TLK1: variants seen among roughly 807,000 people sequenced by gnomAD.
TLK1 encodes serine/threonine-protein kinase tousled-like 1.
TLK1 carries 24 observed loss-of-function variants against 105.3 expected under a neutral mutation model. The ratio of observed to expected loss-of-function variants is 0.23; its 90% CI spans 0.17 to 0.32. The LOEUF is 0.32. Among genes scored for constraint, TLK1 ranks in the 10% least tolerant of loss-of-function variants. The probability of loss-of-function intolerance (pLI) is 1.00; values close to 1 mark genes in which losing one functional copy is unlikely to be tolerated. For missense variants in TLK1, 558 were observed against 910.5 expected (o/e 0.61, Z 4.98); for synonymous variants, 321 against 310.4 (o/e 1.03, Z -0.36).
intron 1 of TLK1, among the ~76,000 whole-genome samples, chr2:171,143,168 A>T (rs2105581048): frequency 6.6e-6 from 1 of 152,372 alleles, no homozygotes; most frequent in Middle Eastern, 3.4e-3. Flanking sequence ...AAAGTAAGGA[A>T]ATGATATCAA....
At chr2:171,128,648 T>C (rs186117697) in intron 1 of TLK1, among the ~76,000 whole-genome samples, 2 of 152,132 alleles carry the variant, frequency 1.3e-5, no homozygotes, top group Non-Finnish European at 2.9e-5. Context: ...TATGCTAATA[T>C]AGTAGTAACA....
intron 18 of TLK1, among the ~76,000 whole-genome samples, chr2:171,004,845 T>A (rs926350167): frequency 6.6e-6 from 1 of 152,240 alleles, no homozygotes; most frequent in African/African-American, 2.4e-5. Flanking sequence ...TTCAGGGGGT[T>A]ACCAGTTTGA....
chr2:171,180,823 C>CTTTT (rs57223904), intron 1 of TLK1, among the ~76,000 whole-genome samples: 8 of 123,150 alleles, frequency 6.5e-5, no homozygotes, highest in Non-Finnish European at 7.1e-5. Flanking sequence ...TAAGAGGATG[C>CTTTT]TTTTTTTTTT....
chr2:171,117,887 CAT>C (rs777646915), intron 1 of TLK1, 30 bp from the exon 2 acceptor site: 35 of 1,463,310 alleles, frequency 2.4e-5, no homozygotes, highest in Middle Eastern at 1.9e-4. Flanking sequence ...TATATGTACA[CAT>C]ATATATGTGT....
chr2:171,229,750 C>T (rs933939447), intron 1 of TLK1, among the ~76,000 whole-genome samples: 3 of 152,200 alleles, frequency 2.0e-5, no homozygotes, highest in African/African-American at 4.8e-5. Flanking sequence ...GTATTGCCTC[C>T]GCCTAAGAAC....
intron 2 of TLK1, among the ~76,000 whole-genome samples, chr2:171,097,370 TAGA>T (rs1558940019): frequency 6.6e-6 from 1 of 152,114 alleles, no homozygotes; most frequent in Non-Finnish European, 1.5e-5. Context: ...TTTAAAATAT[TAGA>T]AGAAAACACA....
In TLK1 at chr2:170,993,685, A is replaced by AAAAAAAAAT; in HGVS notation, c.*94_*95insATTTTTTTT. ...GTCTTGTGTAAAAAAAAAAAAAAAAAAAAAAGAAAAAGAAAACAAACACTC... is the reference window on the plus strand; with the variant it reads ...GTCTTGTGTAAAAAAAAAAAAAAAAAAAAAAAAATAAAAAGAAAAAGAAAACAAACACTC... On this transcript the variant is annotated 3_prime_UTR_variant, in exon 21 of 21. Transcript: ENST00000431350. 1.0e-6 allele frequency: 1 copy of AAAAAAAAAT among 994,244 alleles called. No individual in the cohort carries two copies. The highest frequency in any genetic ancestry group is 1.3e-6 in the Non-Finnish European group (1 of 742,526). The allele number at this position is 994,244 out of a possible 1,614,324, so 61.6% of individuals were successfully genotyped here.
chr2:171,155,031 T>C (rs1447578517), intron 1 of TLK1, among the ~76,000 whole-genome samples: 1 of 152,222 alleles, frequency 6.6e-6, no homozygotes, highest in South Asian at 2.1e-4. Flanking sequence ...AGGAATAAGA[T>C]GAGAATTTAA....
At chr2:171,109,138 G>A (rs1260560808) in intron 2 of TLK1, among the ~76,000 whole-genome samples, 1 of 152,056 alleles carries the variant, frequency 6.6e-6, no homozygotes, top group African/African-American at 2.4e-5. Flanking sequence ...AAAAAGATAC[G>A]CCAAGTTGAC....
intron 18 of TLK1, among the ~76,000 whole-genome samples, chr2:170,999,260 T>C (rs1402918036): frequency 6.6e-6 from 1 of 152,238 alleles, no homozygotes; most frequent in Non-Finnish European, 1.5e-5. Flanking sequence ...TTCACTATGC[T>C]AAAATCATTA....
intron 3 of TLK1, among the ~76,000 whole-genome samples, chr2:171,080,773 T>A (rs1226310323): frequency 6.6e-6 from 1 of 151,574 alleles, no homozygotes. Context: ...AGTGGCACAA[T>A]CATGGCTCAT....
At chr2:171,157,409 T>C (rs943051380) in intron 1 of TLK1, among the ~76,000 whole-genome samples, 2 of 152,144 alleles carry the variant, frequency 1.3e-5, no homozygotes, top group Non-Finnish European at 2.9e-5. Context: ...GGATGGAGAT[T>C]ATAGGTTTAA....
intron 3 of TLK1, among the ~76,000 whole-genome samples, chr2:171,078,920 T>G: frequency 6.6e-6 from 1 of 152,216 alleles, no homozygotes; most frequent in East Asian, 1.9e-4. Context: ...TTGTCTTTTG[T>G]TTCCCCTGTT....
chr2:171,016,371 G>A (rs752926626), intron 12 of TLK1, among the ~76,000 whole-genome samples: 23 of 152,032 alleles, frequency 1.5e-4, no homozygotes, highest in African/African-American at 2.7e-4. Context: ...CGAGCTCAAC[G>A]GATCCTCCTG....
chr2:171,141,170 T>C (rs757947376), intron 1 of TLK1, among the ~76,000 whole-genome samples: 7 of 152,142 alleles, frequency 4.6e-5, no homozygotes, highest in Non-Finnish European at 8.8e-5. Context: ...GGAAAGAAGA[T>C]GACAAGACAG....
Position 171,160,530 on chromosome 2 carries a change from C to A in TLK1, c.-102G>T. 2 of 1,511,194 alleles carry A rather than the reference C, an allele frequency of 1.3e-6. No individual in the cohort carries two copies. Among genetic ancestry groups the A allele is most frequent in the Non-Finnish European group, 1.8e-6 (2 of 1,134,166 alleles). 93.6% of individuals were successfully genotyped at this position (1,511,194 alleles called of 1,614,324 possible). ...TGGCGGGGGCCGCGCTGAGGGCGAG[C>A]GAGAGAGCGAGGGCTGGGAGGGGAG... On this transcript the variant is annotated 5_prime_UTR_variant, in exon 1 of 21. Transcript: ENST00000431350. This position sits in a 1 kb window ranked among gnomAD's most constrained non-coding sequence, Gnocchi z 4.4.
At chr2:171,010,161 G>A (rs186585756) in intron 14 of TLK1, among the ~76,000 whole-genome samples, 2 of 152,178 alleles carry the variant, frequency 1.3e-5, no homozygotes, top group African/African-American at 4.8e-5. Context: ...GAAGGGTCAT[G>A]GCTGAATTTA....
At chr2:171,188,443 C>A (rs879357748) in intron 1 of TLK1, among the ~76,000 whole-genome samples, 1 of 151,486 alleles carries the variant, frequency 6.6e-6, no homozygotes, top group African/African-American at 2.4e-5. Flanking sequence ...CGGTGGTTCA[C>A]GCCTGTAATC....
chr2:171,143,940 T>A (rs1204883857), intron 1 of TLK1, among the ~76,000 whole-genome samples: 1 of 152,126 alleles, frequency 6.6e-6, no homozygotes, highest in Non-Finnish European at 1.5e-5. Flanking sequence ...TTAAACGCTG[T>A]CTACTTAAGA....
Sources: gnomAD v4.1 joint callset for allele counts (sites outside exome capture counted in the v4.1 genomes callset) on GRCh38, gnomAD v4.1.1 for gene constraint, Gnocchi (gnomAD v3.1) non-coding constraint, MANE v1.5 for transcripts, NCBI Gene and HGNC (gene_info 2026-07-23, HGNC 2026-07-21) for gene names.